The following MYOCD variants were observed in gnomAD, a reference collection of about 807,000 sequenced individuals.
The protein encoded by MYOCD is myocardin.
Under a neutral mutation model 96.1 loss-of-function variants are expected in MYOCD, and 32 were observed. The observed-to-expected ratio is 0.33, with a 90% CI of 0.25 to 0.45. MYOCD has a LOEUF of 0.45. Ranked by LOEUF, MYOCD falls within the 20% of genes least tolerant of loss-of-function variation. The pLI is 1.00. For missense variants in MYOCD, 1,133 were observed against 1,200.6 expected (o/e 0.94, Z 0.83); for synonymous variants, 469 against 469.0 (o/e 1.00, Z 0.00).
intron 1 of MYOCD, among the ~76,000 whole-genome samples, chr17:12,676,227 C>T (rs1910028744): frequency 7.0e-6 from 1 of 143,208 alleles, no homozygotes; most frequent in Admixed American, 7.5e-5. Context: ...ACTTAGCACC[C>T]TCCCCCTGCG....
At chr17:12,715,451 C>A in intron 2 of MYOCD, 68 bp from the exon 3 acceptor site, 1 of 1,397,312 alleles carries the variant, frequency 7.2e-7, no homozygotes, top group Non-Finnish European at 1.0e-6. Flanking sequence ...AGCACACCAG[C>A]AAACTCTGCG....
At chr17:12,741,571 T>C (rs570242501) in intron 7 of MYOCD, among the ~76,000 whole-genome samples, 1 of 152,046 alleles carries the variant, frequency 6.6e-6, no homozygotes, top group East Asian at 1.9e-4. Flanking sequence ...TAGCCGGACG[T>C]GGTGGCGTGT....
At chr17:12,678,393 T>C (rs1312066615) in intron 1 of MYOCD, among the ~76,000 whole-genome samples, 1 of 152,040 alleles carries the variant, frequency 6.6e-6, no homozygotes, top group Admixed American at 6.5e-5. Context: ...TCTGGTCTTT[T>C]GATGCCTCTG....
chr17:12,717,211 C>T, intron 3 of MYOCD, 135 bp from the exon 4 acceptor site: 1 of 641,706 alleles, frequency 1.6e-6, no homozygotes, highest in South Asian at 2.0e-5. Context: ...TGGAAATGTT[C>T]CTTCATCAAA....
In MYOCD at chr17:12,739,132, G is replaced by A. The variant is rs545677010; in HGVS notation, c.592-71G>A. On this transcript the variant is annotated intron_variant, in intron 6 of 13. Transcript: ENST00000425538. ...ATGAAAGCAGCAGAGGTATATATAC[G>A]GACTCTAACATTTCTGTGTCACACA... 22 of 1,515,690 alleles carry A rather than the reference G, an allele frequency of 1.5e-5. No homozygotes were observed. The African/African-American group carries it at 1.8e-4, about 12-fold the overall frequency. 93.9% of individuals were successfully genotyped at this position (1,515,690 alleles called of 1,614,324 possible).
At chr17:12,696,213 C>T (rs1217455140) in intron 1 of MYOCD, among the ~76,000 whole-genome samples, 4 of 151,930 alleles carry the variant, frequency 2.6e-5, no homozygotes, top group African/African-American at 9.7e-5. Flanking sequence ...CTCTTGACCT[C>T]GTGGTCCGCC....
chr17:12,669,490 G>A (rs1413342454), intron 1 of MYOCD, among the ~76,000 whole-genome samples: 1 of 152,174 alleles, frequency 6.6e-6, no homozygotes, highest in Non-Finnish European at 1.5e-5. Context: ...AGTTCAATGT[G>A]AATTTCCAAG....
chr17:12,722,749 TGTGACACAATC>T, intron 4 of MYOCD, 87 bp from the exon 5 acceptor site: 2 of 965,716 alleles, frequency 2.1e-6, no homozygotes, highest in Middle Eastern at 4.6e-4. Context: ...TAGAGCACAA[TGTGACACAATC>T]GTTTGTAACC....
intron 1 of MYOCD, among the ~76,000 whole-genome samples, chr17:12,690,791 T>TG (rs1479862310): frequency 6.6e-6 from 1 of 152,190 alleles, no homozygotes; most frequent in Non-Finnish European, 1.5e-5. Flanking sequence ...TCAGGTAAAT[T>TG]GGGGAAATCC....
rs1490122720 is a variant in MYOCD, at chr17:12,744,209, C to T, written c.744C>T (p.Asn248=). 1.9e-6 allele frequency: 3 copies of T among 1,614,036 alleles called. No individual in the cohort carries two copies. Among genetic ancestry groups the T allele is most frequent in the Non-Finnish European group, 2.5e-6 (3 of 1,180,030 alleles). ...CCAAATCCTTGGGTGACAGTAAGAA[C>T]CGCCACAAAAAGCCCAAGGACCCCA... ...VKSKSLGDSK[N]RHKKPKDPKP... is the part of the protein sequence containing the mutation. The change falls in exon 8 of 14, where the codon AAC becomes AAT. Residue 248 remains asparagine, a synonymous_variant. Transcript: ENST00000425538.
intron 10 of MYOCD, among the ~76,000 whole-genome samples, chr17:12,753,728 C>A (rs1053295289): frequency 3.3e-5 from 5 of 152,200 alleles, no homozygotes; most frequent in Admixed American, 3.3e-4. Context: ...CAAGACTTGG[C>A]TTGTGGGCTG....
chr17:12,704,707 A>G (rs2031218731), intron 1 of MYOCD, among the ~76,000 whole-genome samples: 1 of 152,222 alleles, frequency 6.6e-6, no homozygotes, highest in African/African-American at 2.4e-5. Context: ...AGAGAGGTTA[A>G]GCAACTTGCT....
intron 4 of MYOCD, among the ~76,000 whole-genome samples, chr17:12,719,165 A>C (rs1356581721): frequency 8.1e-6 from 1 of 122,728 alleles, no homozygotes; most frequent in Non-Finnish European, 1.6e-5. Flanking sequence ...ACAGAGGGAG[A>C]CTCTGTCTCA....
chr17:12,683,504 C>A (rs2029924486), intron 1 of MYOCD, among the ~76,000 whole-genome samples: 1 of 152,078 alleles, frequency 6.6e-6, no homozygotes, highest in South Asian at 2.1e-4. Context: ...GTCTCTCATT[C>A]TCTCTTTCTT....
At chr17:12,758,343 A>C in intron 12 of MYOCD, 130 bp downstream of exon 12, 4 of 1,348,456 alleles carry the variant, frequency 3.0e-6, no homozygotes, top group Non-Finnish European at 4.1e-6. Context: ...CCACCAAAAT[A>C]AGCAAATTAT....
At chr17:12,743,583 C>G (rs1204949638) in intron 7 of MYOCD, among the ~76,000 whole-genome samples, 2 of 148,404 alleles carry the variant, frequency 1.3e-5, no homozygotes, top group Admixed American at 6.8e-5. Flanking sequence ...ACCTCTGCCT[C>G]CTGGGTTCAA....
chr17:12,739,407 G>C, intron 7 of MYOCD, 79 bp downstream of exon 7: 1 of 1,452,322 alleles, frequency 6.9e-7, no homozygotes, highest in Non-Finnish European at 9.1e-7. Flanking sequence ...TTCTGAGTTA[G>C]GTCTGACAAC....
At chr17:12,740,776 T>C (rs1387895197) in intron 7 of MYOCD, among the ~76,000 whole-genome samples, 17 of 152,136 alleles carry the variant, frequency 1.1e-4, no homozygotes, top group African/African-American at 4.1e-4. Flanking sequence ...TTCACTCTTG[T>C]TGCCCAGGCT....
At chr17:12,760,626 C>A in intron 12 of MYOCD, 24 bp from the exon 13 acceptor site, 1 of 1,602,036 alleles carries the variant, frequency 6.2e-7, no homozygotes, top group Non-Finnish European at 8.6e-7. Flanking sequence ...AATTGTCTGT[C>A]CTCCTTTGGT....
Sources: gnomAD v4.1 joint callset for allele counts (sites outside exome capture counted in the v4.1 genomes callset) on GRCh38, gnomAD v4.1.1 for gene constraint, MANE v1.5 for transcripts, NCBI Gene and HGNC (gene_info 2026-07-23, HGNC 2026-07-21) for gene names.